Variants in CNST observed in about 807,000 individuals in gnomAD.
CNST encodes consortin.
CNST carries 39 observed loss-of-function variants against 72.4 expected under a neutral mutation model. The ratio of observed to expected loss-of-function variants is 0.54; its 90% CI spans 0.42 to 0.70. CNST has a LOEUF of 0.70. CNST is among the 30% of genes least tolerant of loss of function. The pLI, the probability that CNST is intolerant of heterozygous loss-of-function variation, is 0.00. For synonymous variants in CNST, 332 were observed against 320.1 expected (o/e 1.04, Z -0.40); for missense variants, 871 against 868.5 (o/e 1.00, Z -0.04).
At position 246,647,210 on chromosome 1, in the gene CNST, C is replaced by G. The variant is rs1666142012; in HGVS notation, c.1009C>G (p.Pro337Ala). The G allele has an allele frequency of 6.2e-7, 1 of 1,613,920 alleles. No individual in the cohort carries two copies. The highest frequency in any genetic ancestry group is 1.1e-5 in the South Asian group (1 of 91,072). The stretch of plus-strand genomic sequence containing the variant: ...TACAGTGGAGCCCCTGGGGAGCAGT[C>G]CCTGCTGTCATCAGATGGACGTGCA... ...QHTVEPLGSS[P>A]CCHQMDVQTD... The change falls in exon 9 of 11, where the codon CCC becomes GCC. Residue 337 changes from proline to alanine, a missense_variant. Pro to Ala is a conservative substitution (Grantham distance 27). Transcript: ENST00000366513.
At chr1:246,603,625 A>G (rs1450676725) in intron 2 of CNST, among the ~76,000 whole-genome samples, 2 of 152,234 alleles carry the variant, frequency 1.3e-5, no homozygotes, top group Non-Finnish European at 2.9e-5. Flanking sequence ...CTATTTAGCA[A>G]TGAAAATAAA....
At chr1:246,655,342 G>T (rs1666718435) in intron 9 of CNST, among the ~76,000 whole-genome samples, 1 of 152,140 alleles carries the variant, frequency 6.6e-6, no homozygotes, top group Admixed American at 6.6e-5. Flanking sequence ...AAGATGCAGT[G>T]CTGTGGGTCT....
chr1:246,653,461 C>T (rs145190650), intron 9 of CNST, among the ~76,000 whole-genome samples: 92 of 152,342 alleles, frequency 6.0e-4, no homozygotes, highest in African/African-American at 2.1e-3. Context: ...CCCAGAATGG[C>T]TCTTTTGAGA....
At chr1:246,628,012 C>T (rs1006608972) in intron 3 of CNST, among the ~76,000 whole-genome samples, 5 of 151,602 alleles carry the variant, frequency 3.3e-5, no homozygotes, top group Admixed American at 1.3e-4. Context: ...CAAGGAGAGC[C>T]GAGCTAAGTC....
At chr1:246,652,864 C>A (rs368311381) in intron 9 of CNST, among the ~76,000 whole-genome samples, 3 of 150,502 alleles carry the variant, frequency 2.0e-5, no homozygotes, top group African/African-American at 7.4e-5. Context: ...ACTAGCCGGG[C>A]GTGGTGGCGG....
intron 1 of CNST, among the ~76,000 whole-genome samples, chr1:246,569,344 C>T (rs1370444157): frequency 2.0e-5 from 3 of 152,100 alleles, no homozygotes; most frequent in Non-Finnish European, 4.4e-5. Flanking sequence ...CAGCACATCT[C>T]AGTTTGGAGA....
At chr1:246,597,813 C>T (rs911395941) in intron 2 of CNST, among the ~76,000 whole-genome samples, 19 of 152,258 alleles carry the variant, frequency 1.2e-4, no homozygotes, top group Non-Finnish European at 2.1e-4. Context: ...GCTCATTTCC[C>T]TGAACCCCTT....
chr1:246,606,108 G>C (rs147238198), intron 2 of CNST: 1 of 152,332 alleles, frequency 6.6e-6, no homozygotes, highest in Non-Finnish European at 1.5e-5. Flanking sequence ...AAATTTTGGC[G>C]TATTCTTGAG....
At chr1:246,630,154 G>A (rs1274988982) in intron 3 of CNST, among the ~76,000 whole-genome samples, 1 of 152,108 alleles carries the variant, frequency 6.6e-6, no homozygotes, top group Admixed American at 6.6e-5. Context: ...GCTTGACATC[G>A]GCCATGGTGG....
At chr1:246,581,327 G>A (rs1421954165) in intron 1 of CNST, among the ~76,000 whole-genome samples, 1 of 151,856 alleles carries the variant, frequency 6.6e-6, no homozygotes, top group Non-Finnish European at 1.5e-5. Flanking sequence ...GTGCAATGGC[G>A]CAATCTTGGC....
At chr1:246,639,182 C>T (rs966488927) in intron 6 of CNST, among the ~76,000 whole-genome samples, 1 of 151,856 alleles carries the variant, frequency 6.6e-6, no homozygotes, top group Non-Finnish European at 1.5e-5. Flanking sequence ...CAACTCCACG[C>T]CGTTCGTCGG....
At chr1:246,576,392 A>G (rs898042254) in intron 1 of CNST, among the ~76,000 whole-genome samples, 4 of 149,272 alleles carry the variant, frequency 2.7e-5, no homozygotes, top group African/African-American at 9.9e-5. Context: ...GTGTTCAGTG[A>G]CTATTATTTT....
At chr1:246,576,424 A>C (rs1354918340) in intron 1 of CNST, among the ~76,000 whole-genome samples, 2 of 148,460 alleles carry the variant, frequency 1.3e-5, no homozygotes, top group African/African-American at 2.5e-5. Flanking sequence ...TTTTTTTTGC[A>C]TGTCATAATT....
At chr1:246,642,961 G>A (rs1006164310) in intron 8 of CNST, among the ~76,000 whole-genome samples, 2 of 148,454 alleles carry the variant, frequency 1.3e-5, no homozygotes, top group African/African-American at 5.0e-5. Flanking sequence ...GCACCATCAC[G>A]GCTCATTGCA....
chr1:246,644,540 C>A (rs1040787385), intron 8 of CNST, among the ~76,000 whole-genome samples: 10 of 152,204 alleles, frequency 6.6e-5, no homozygotes, highest in African/African-American at 2.4e-4. Context: ...CTGTCTGCTC[C>A]TGGTTGGAGT....
In CNST at chr1:246,647,918, T is replaced by C; in HGVS notation, c.1717T>C (p.Ser573Pro). Residue 573 changes from serine to proline, a missense_variant, in exon 9 of 11, where the codon TCC becomes CCC. Physicochemically the swap from Ser to Pro is moderately conservative, Grantham distance 74 (BLOSUM62 -1). Transcript: ENST00000366513. The stretch of plus-strand genomic sequence containing the variant: ...CTATGAAGATAACCAAGACGACGAC[T>C]CCGATCTCCTTCAAGATCTCTCTCC... ...LSYEDNQDDD[S>P]DLLQDLSPEE... The C allele has an allele frequency of 3.1e-6, 5 of 1,613,806 alleles. No homozygotes were observed. The highest frequency in any genetic ancestry group is 4.2e-6 in the Non-Finnish European group (5 of 1,179,914).
chr1:246,608,185 A>C (rs1241281343), intron 2 of CNST: 4 of 152,040 alleles, frequency 2.6e-5, no homozygotes, highest in East Asian at 1.9e-4. Flanking sequence ...ATAATAAATA[A>C]ATAATTTAAA....
chr1:246,630,356 A>G (rs561201139), intron 3 of CNST, among the ~76,000 whole-genome samples: 3 of 152,380 alleles, frequency 2.0e-5, no homozygotes, highest in African/African-American at 7.2e-5. Flanking sequence ...TATTATTAGA[A>G]CAATAAGCTG....
chr1:246,593,797 C>G (rs1471184111), intron 2 of CNST, among the ~76,000 whole-genome samples: 1 of 152,202 alleles, frequency 6.6e-6, no homozygotes, highest in Admixed American at 6.5e-5. Flanking sequence ...GGGTTTCACT[C>G]TGTCACCCAG....
Sources: allele counts gnomAD v4.1 joint callset (sites outside exome capture counted in the v4.1 genomes callset), GRCh38; gene constraint gnomAD v4.1.1; transcripts MANE v1.5; gene names NCBI Gene and HGNC (gene_info 2026-07-23, HGNC 2026-07-21).